Variants in ADAMTS6 observed in about 807,000 individuals in gnomAD.
The protein encoded by ADAMTS6 is ADAM metallopeptidase with thrombospondin type 1 motif 6, also known as A disintegrin and metalloproteinase with thrombospondin motifs 6.
In ADAMTS6, 23 loss-of-function variants were observed where a neutral mutation model predicts 144.3. The observed-to-expected ratio is 0.16, with a 90% confidence interval of 0.11 to 0.23. The LOEUF (loss-of-function observed/expected upper bound fraction) is 0.23, where lower values mean the gene tolerates loss of function less well. ADAMTS6 is among the 10% of genes least tolerant of loss of function. The pLI is 1.00. For synonymous variants in ADAMTS6, 444 were observed against 457.5 expected, an observed-to-expected ratio of 0.97 and a Z score of 0.38; for missense variants, 999 against 1,379.6, an observed-to-expected ratio of 0.72 and a Z score of 4.37.
chr5:65,159,208 C>T (rs575069413), intron 24 of ADAMTS6, among the ~76,000 whole-genome samples: 1 of 152,282 alleles, frequency 6.6e-6, no homozygotes, highest in Admixed American at 6.5e-5. Context: ...TAGTTCACGC[C>T]TCCATCCTCT....
intron 7 of ADAMTS6, among the ~76,000 whole-genome samples, chr5:65,397,405 A>G (rs1753436831): frequency 1.3e-5 from 2 of 152,084 alleles, no homozygotes; most frequent in African/African-American, 4.8e-5. Context: ...ATGGAAGCTT[A>G]GGTTTTTTAA....
At position 65,149,447 on chromosome 5, in the gene ADAMTS6, A is replaced by ACT. The variant is rs1752020730; in HGVS notation, c.*2387_*2388dup. On this transcript the variant is annotated 3_prime_UTR_variant, in exon 25 of 25. Transcript: ENST00000381055. ...TGTGCGTGGCTCCCTCTAGAAAGGC[A>ACT]CTCTGATGCTGCCCCGGGGGATGCC... The ACT allele has an allele frequency of 6.6e-6, 1 of 152,128 alleles. No individual in the cohort carries two copies. 9.4% of individuals were successfully genotyped at this position (152,128 alleles called of 1,614,324 possible).
intron 9 of ADAMTS6, among the ~76,000 whole-genome samples, chr5:65,328,349 C>A: frequency 6.6e-6 from 1 of 151,880 alleles, no homozygotes; most frequent in East Asian, 1.9e-4. Context: ...ATCTATGACG[C>A]CACCAAAAAA....
chr5:65,158,840 G>A (rs753424073), intron 24 of ADAMTS6, among the ~76,000 whole-genome samples: 1 of 152,084 alleles, frequency 6.6e-6, no homozygotes, highest in Non-Finnish European at 1.5e-5. Context: ...TTTCCCTCTT[G>A]CTATTTTAAT....
intron 18 of ADAMTS6, among the ~76,000 whole-genome samples, chr5:65,219,747 A>C (rs1397460021): frequency 1.3e-5 from 2 of 152,200 alleles, no homozygotes; most frequent in Non-Finnish European, 2.9e-5. Context: ...GAACATTTGA[A>C]AATCATAAAA....
At chr5:65,393,255 G>T (rs1379651578) in intron 7 of ADAMTS6, among the ~76,000 whole-genome samples, 1 of 152,074 alleles carries the variant, frequency 6.6e-6, no homozygotes, top group Non-Finnish European at 1.5e-5. Flanking sequence ...AAAGTGTGTA[G>T]GAAAAATGTC....
intron 7 of ADAMTS6, among the ~76,000 whole-genome samples, chr5:65,397,702 C>T (rs775067185): frequency 7.3e-5 from 11 of 151,180 alleles, no homozygotes; most frequent in Non-Finnish European, 1.5e-4. Context: ...CATGGAGAAA[C>T]CTCGACTCTA....
rs1195678936 is a variant in ADAMTS6 at position 65,451,754 on chromosome 5, C to G, written c.928-134G>C. On this transcript the variant is annotated intron_variant, in intron 6 of 24. Transcript: ENST00000381055. ...AATAATCTCTTGCCAATTTTTATCT[C>G]TGTAATATCTGACCTAGAGCTCATT... The G allele has an allele frequency of 1.5e-5, 15 of 1,010,568 alleles. No individual in the cohort carries two copies. In the Admixed American group the frequency reaches 4.1e-4, roughly 27 times the overall value. 62.6% of individuals were successfully genotyped at this position (1,010,568 alleles called of 1,614,324 possible).
At chr5:65,323,199 T>G (rs1270415591) in intron 9 of ADAMTS6, among the ~76,000 whole-genome samples, 1 of 151,786 alleles carries the variant, frequency 6.6e-6, no homozygotes. Context: ...ATGTGCCATG[T>G]TGGTGTGCTG....
chr5:65,406,190 A>T (rs898202065), intron 7 of ADAMTS6, among the ~76,000 whole-genome samples: 3 of 152,178 alleles, frequency 2.0e-5, no homozygotes, highest in African/African-American at 7.2e-5. Context: ...TATGTTAAAT[A>T]GGAGTGGTGA....
chr5:65,424,047 T>C (rs1756299212), intron 7 of ADAMTS6, among the ~76,000 whole-genome samples: 1 of 152,180 alleles, frequency 6.6e-6, no homozygotes. Flanking sequence ...AAGAATGACC[T>C]CATCACAGGT....
In ADAMTS6 at chr5:65,172,892, G is replaced by A; in HGVS notation, c.3027C>T (p.Arg1009=). ...QCPEESKPPV[R]IRCSLGRCPP... The stretch of plus-strand genomic sequence containing the variant: ...GGCAGCGGCCCAAACTGCAGCGGAT[G>A]CGGACAGGAGGTTTGCTTTCCTCTG... The change falls in exon 23 of 25, where the codon CGC becomes CGT. Residue 1009 remains arginine (R), a synonymous_variant. Transcript: ENST00000381055. The A allele has an allele frequency of 2.4e-5, 38 of 1,614,252 alleles. No homozygotes were observed. Among genetic ancestry groups the A allele is most frequent in the Non-Finnish European group, 3.2e-5 (38 of 1,180,056 alleles).
At chr5:65,459,771 T>C (rs1384542616) in intron 4 of ADAMTS6, among the ~76,000 whole-genome samples, 1 of 152,182 alleles carries the variant, frequency 6.6e-6, no homozygotes, top group East Asian at 1.9e-4. Flanking sequence ...AACACTACTT[T>C]TGAATACTAT....
Position 65,211,919 on chromosome 5 carries a change from T to G in ADAMTS6, c.2575+2875A>C, listed in dbSNP as rs561704670. On this transcript the variant is annotated intron_variant, in intron 20 of 24. Transcript: ENST00000381055. ...TGGGCCCCTACTATGTTTCGGATAT[T>G]GTTCTAGGGGCAAAATGAGTTTACA... 1.2e-4 allele frequency among the ~76,000 whole-genome samples: 19 copies of G among 152,282 alleles called. No individual in the cohort carries two copies. The South Asian group carries it at 3.9e-3, about 32-fold the overall frequency.
chr5:65,268,013 T>C (rs1414658805), intron 12 of ADAMTS6, among the ~76,000 whole-genome samples: 1 of 152,222 alleles, frequency 6.6e-6, no homozygotes, highest in African/African-American at 2.4e-5. Flanking sequence ...GAAGAACTAT[T>C]CTTTCTTCAC....
At chr5:65,406,084 A>C (rs994120301) in intron 7 of ADAMTS6, among the ~76,000 whole-genome samples, 9 of 152,150 alleles carry the variant, frequency 5.9e-5, no homozygotes, top group Non-Finnish European at 1.3e-4. Flanking sequence ...CAATCATGTC[A>C]TCTGCAAAAA....
rs191075720 is a variant in ADAMTS6, at chr5:65,455,797, C to T, written c.632-2879G>A. 2.4e-4 allele frequency among the ~76,000 whole-genome samples: 37 copies of T among 151,944 alleles called. 1 individual carries two copies. In the East Asian group the frequency reaches 4.1e-3, roughly 17 times the overall value. On this transcript the variant is annotated intron_variant, in intron 4 of 24. Transcript: ENST00000381055. The stretch of plus-strand genomic sequence containing the variant: ...CAGTCTGGGCAACAAGAGCAAAACT[C>T]CATCTCAAAAATAATAATAATAAAA...
chr5:65,359,907 C>G (rs537323111), intron 7 of ADAMTS6, among the ~76,000 whole-genome samples: 3 of 152,046 alleles, frequency 2.0e-5, no homozygotes, highest in South Asian at 2.1e-4. Context: ...AGGATACATA[C>G]GTTTTCGAGA....
At chr5:65,459,731 C>T (rs751195384) in intron 4 of ADAMTS6, among the ~76,000 whole-genome samples, 1 of 152,132 alleles carries the variant, frequency 6.6e-6, no homozygotes, top group Non-Finnish European at 1.5e-5. Flanking sequence ...GCCCGTACTA[C>T]ATATTTCTAT....
Sources: allele counts gnomAD v4.1 joint callset (sites outside exome capture counted in the v4.1 genomes callset), GRCh38; gene constraint gnomAD v4.1.1; transcripts MANE v1.5; gene names NCBI Gene and HGNC (gene_info 2026-07-23, HGNC 2026-07-21).